Variants in CLNK observed in about 807,000 individuals in gnomAD.
CLNK encodes the protein cytokine dependent hematopoietic cell linker.
Under a neutral mutation model 68.6 loss-of-function variants are expected in CLNK, and 74 were observed. That is an observed-to-expected ratio of 1.08 (90% CI 0.89 to 1.31). The LOEUF is 1.31. CLNK is among the 50% of genes most tolerant of loss of function. The pLI is 0.00. For missense variants in CLNK, 553 were observed against 515.3 expected, an observed-to-expected ratio of 1.07 and a Z score of -0.71; for synonymous variants, 198 against 172.2, an observed-to-expected ratio of 1.15 and a Z score of -1.17.
At chr4:10,625,948 T>A (rs1379092666) in intron 2 of CLNK, among the ~76,000 whole-genome samples, 1 of 152,242 alleles carries the variant, frequency 6.6e-6, no homozygotes, top group East Asian at 1.9e-4. Context: ...AGTGGGCACA[T>A]TCATTTCAAC....
chr4:10,663,980 C>G (rs1724298457), intron 2 of CLNK, among the ~76,000 whole-genome samples: 1 of 152,178 alleles, frequency 6.6e-6, no homozygotes, highest in African/African-American at 2.4e-5. Flanking sequence ...CTGCTAGCCC[C>G]ATGTTCTTGG....
intron 2 of CLNK, among the ~76,000 whole-genome samples, chr4:10,612,349 G>A (rs1410169045): frequency 6.6e-6 from 1 of 152,220 alleles, no homozygotes; most frequent in East Asian, 1.9e-4. Context: ...TTCCCCAAAA[G>A]ACAATGGACA....
intron 13 of CLNK, among the ~76,000 whole-genome samples, chr4:10,527,585 C>A (rs912080711): frequency 2.0e-5 from 3 of 152,214 alleles, no homozygotes; most frequent in Non-Finnish European, 4.4e-5. Flanking sequence ...TATGAAAGTA[C>A]TACCTGCTTA....
At chr4:10,558,361 G>C (rs774282558) in intron 8 of CLNK, 46 bp downstream of exon 8, 15 of 1,538,894 alleles carry the variant, frequency 9.7e-6, no homozygotes, top group Non-Finnish European at 1.3e-5. Context: ...AAGCAAAATA[G>C]ATGTTTTCAT....
intron 2 of CLNK, among the ~76,000 whole-genome samples, chr4:10,655,547 T>C (rs761014549): frequency 1.4e-4 from 22 of 151,812 alleles, no homozygotes; most frequent in Non-Finnish European, 2.6e-4. Flanking sequence ...TAATGTATCA[T>C]GGCAAAGAAA....
intron 8 of CLNK, among the ~76,000 whole-genome samples, chr4:10,542,638 A>G (rs1428354473): frequency 4.1e-5 from 6 of 147,650 alleles, no homozygotes; most frequent in African/African-American, 7.6e-5. Flanking sequence ...GCATGTGTAT[A>G]TGTGTGTGTG....
chr4:10,526,790 A>G (rs1412195607), intron 13 of CLNK, among the ~76,000 whole-genome samples: 6 of 152,204 alleles, frequency 3.9e-5, no homozygotes, highest in African/African-American at 1.4e-4. Flanking sequence ...GTAATTACAT[A>G]TGCAATTTAT....
intron 4 of CLNK, among the ~76,000 whole-genome samples, chr4:10,581,534 CA>C (rs1720780860): frequency 6.6e-6 from 1 of 152,184 alleles, no homozygotes; most frequent in Admixed American, 6.5e-5. Context: ...GGTTGAAGAA[CA>C]GGCATAATGT....
chr4:10,551,450 G>A (rs2108814355), intron 8 of CLNK, among the ~76,000 whole-genome samples: 1 of 151,288 alleles, frequency 6.6e-6, no homozygotes, highest in African/African-American at 2.4e-5. Context: ...TAGTAGAGTT[G>A]GGGTTTTACC....
At chr4:10,637,838 G>C (rs187897786) in intron 2 of CLNK, among the ~76,000 whole-genome samples, 2 of 150,712 alleles carry the variant, frequency 1.3e-5, no homozygotes, top group African/African-American at 4.9e-5. Context: ...TCCTGAATTT[G>C]TGATTCACCC....
intron 2 of CLNK, among the ~76,000 whole-genome samples, chr4:10,632,455 A>G (rs1022089553): frequency 2.6e-5 from 4 of 152,270 alleles, no homozygotes; most frequent in Admixed American, 6.5e-5. Flanking sequence ...TATCCCACGC[A>G]TATCAGACTA....
chr4:10,512,577 CT>C (rs1456710895), intron 16 of CLNK, among the ~76,000 whole-genome samples: 1 of 151,836 alleles, frequency 6.6e-6, no homozygotes, highest in African/African-American at 2.4e-5. Flanking sequence ...TTATGAGACC[CT>C]TTTAGAATTA....
intron 3 of CLNK, among the ~76,000 whole-genome samples, chr4:10,593,397 G>A (rs1326126013): frequency 6.6e-6 from 1 of 152,126 alleles, no homozygotes; most frequent in African/African-American, 2.4e-5. Flanking sequence ...GCTCATGCCT[G>A]TCATCCCAGG....
intron 16 of CLNK, among the ~76,000 whole-genome samples, chr4:10,510,591 A>G (rs2109035346): frequency 6.6e-6 from 1 of 152,332 alleles, no homozygotes; most frequent in African/African-American, 2.4e-5. Flanking sequence ...AGTAGGGGTC[A>G]GACACGCCTC....
chr4:10,575,595 T>C (rs1720531617), intron 4 of CLNK, among the ~76,000 whole-genome samples: 1 of 152,218 alleles, frequency 6.6e-6, no homozygotes, highest in South Asian at 2.1e-4. Flanking sequence ...ATATCTCTCC[T>C]TCCCCTGCAC....
chr4:10,631,042 C>A (rs1260877831), intron 2 of CLNK, among the ~76,000 whole-genome samples: 1 of 142,348 alleles, frequency 7.0e-6, no homozygotes, highest in Non-Finnish European at 1.6e-5. Context: ...CACCAAATGC[C>A]AGTGCTGCTT....
At chr4:10,607,426 G>A (rs1245459039) in intron 2 of CLNK, among the ~76,000 whole-genome samples, 1 of 152,178 alleles carries the variant, frequency 6.6e-6, no homozygotes, top group Non-Finnish European at 1.5e-5. Context: ...CGCATGCCTT[G>A]CTATCTTGCA....
At chr4:10,551,156 C>G (rs1379076717) in intron 8 of CLNK, among the ~76,000 whole-genome samples, 1 of 152,178 alleles carries the variant, frequency 6.6e-6, no homozygotes, top group African/African-American at 2.4e-5. Context: ...GTAACTGAAA[C>G]TGTGGAAAGT....
chr4:10,648,937 T>G (rs543911311), intron 2 of CLNK, among the ~76,000 whole-genome samples: 8 of 152,196 alleles, frequency 5.3e-5, no homozygotes, highest in African/African-American at 7.2e-5. Flanking sequence ...CATCTTAATA[T>G]ATAGATTAGC....
Sources: allele counts gnomAD v4.1 joint callset (sites outside exome capture counted in the v4.1 genomes callset), GRCh38; gene constraint gnomAD v4.1.1; transcripts MANE v1.5; gene names NCBI Gene and HGNC (gene_info 2026-07-23, HGNC 2026-07-21).